Variants in SOX5 observed in about 807,000 individuals in gnomAD.
SOX5 encodes transcription factor SOX-5.
SOX5 carries 9 observed loss-of-function variants against 92.0 expected under a neutral mutation model. That is an observed-to-expected ratio of 0.10 (90% confidence interval 0.06 to 0.17). The LOEUF (loss-of-function observed/expected upper bound fraction) is 0.17, where lower values mean the gene tolerates loss of function less well. Ranked by LOEUF, SOX5 falls within the 10% of genes least tolerant of loss-of-function variation. SOX5 has a pLI of 1.00. For synonymous variants in SOX5, 344 were observed against 336.3 expected (o/e 1.02, Z -0.25); for missense variants, 642 against 944.5 (o/e 0.68, Z 4.20).
chr12:24,286,525 C>T (rs1237922451), intron 2 of SOX5, among the ~76,000 whole-genome samples: 2 of 151,822 alleles, frequency 1.3e-5, no homozygotes, highest in African/African-American at 4.8e-5. Flanking sequence ...GATGAAAGAA[C>T]AAGAGTTTTT....
chr12:23,846,606 T>A (rs2096578035), intron 2 of SOX5, among the ~76,000 whole-genome samples: 1 of 152,218 alleles, frequency 6.6e-6, no homozygotes, highest in East Asian at 1.9e-4. Flanking sequence ...AATGTAGTGA[T>A]CATTTGTGTT....
intron 3 of SOX5, among the ~76,000 whole-genome samples, chr12:24,218,524 T>C (rs372993923): frequency 6.6e-5 from 10 of 152,254 alleles, no homozygotes; most frequent in African/African-American, 2.4e-4. Flanking sequence ...AAGCTTCTTT[T>C]TGTCAGATGG....
chr12:23,935,114 T>C (rs1039196973), intron 1 of SOX5, among the ~76,000 whole-genome samples: 2 of 151,202 alleles, frequency 1.3e-5, no homozygotes, highest in African/African-American at 4.8e-5. Flanking sequence ...GAAAAATCAG[T>C]GGCTGAAAAA....
intron 2 of SOX5, among the ~76,000 whole-genome samples, chr12:23,893,954 C>T (rs1401046247): frequency 6.6e-6 from 1 of 152,142 alleles, no homozygotes; most frequent in Non-Finnish European, 1.5e-5. Flanking sequence ...ATGAAATATG[C>T]CTGTGCTCTT....
At chr12:24,461,887 G>A (rs1943672901) in intron 1 of SOX5, among the ~76,000 whole-genome samples, 1 of 152,028 alleles carries the variant, frequency 6.6e-6, no homozygotes, top group African/African-American at 2.4e-5. Flanking sequence ...CGTATTCCCT[G>A]GTCTTAGAGA....
At chr12:24,465,394 TA>T (rs1161911532) in intron 1 of SOX5, among the ~76,000 whole-genome samples, 3 of 152,260 alleles carry the variant, frequency 2.0e-5, no homozygotes, top group Non-Finnish European at 2.9e-5. Context: ...TAAGTTGTAT[TA>T]TATGCAATTT....
intron 6 of SOX5, among the ~76,000 whole-genome samples, chr12:23,669,577 C>A (rs2084404928): frequency 2.0e-5 from 3 of 150,276 alleles, no homozygotes; most frequent in South Asian, 4.2e-4. Context: ...AGCGTAGAGA[C>A]CAAGTGGGAA....
intron 1 of SOX5, among the ~76,000 whole-genome samples, chr12:24,480,402 C>A (rs993538254): frequency 2.6e-5 from 4 of 152,082 alleles, no homozygotes; most frequent in Non-Finnish European, 5.9e-5. Context: ...CAAAAAAGAA[C>A]AAATGAGATC....
At chr12:24,452,407 G>T (rs1295873281) in intron 1 of SOX5, among the ~76,000 whole-genome samples, 1 of 152,184 alleles carries the variant, frequency 6.6e-6, no homozygotes, top group East Asian at 1.9e-4. Flanking sequence ...TACTGGAGAA[G>T]TTCGGAGCAG....
chr12:23,736,449 G>C (rs145004399), intron 5 of SOX5, among the ~76,000 whole-genome samples: 29 of 151,894 alleles, frequency 1.9e-4, no homozygotes, highest in Admixed American at 1.9e-3. Flanking sequence ...GTGACAGAGC[G>C]AGACTCCGTC....
At chr12:24,168,572 C>A (rs909929852) in intron 4 of SOX5, among the ~76,000 whole-genome samples, 1 of 151,960 alleles carries the variant, frequency 6.6e-6, no homozygotes, top group African/African-American at 2.4e-5. Context: ...TATACTGAAG[C>A]AGGAATGGCT....
intron 4 of SOX5, among the ~76,000 whole-genome samples, chr12:24,033,876 C>G (rs746833471): frequency 6.6e-6 from 1 of 152,034 alleles, no homozygotes; most frequent in Non-Finnish European, 1.5e-5. Flanking sequence ...ATAGCCAAAA[C>G]CACAATATAG....
At chr12:24,226,195 A>T (rs1961918956) in intron 3 of SOX5, among the ~76,000 whole-genome samples, 1 of 152,156 alleles carries the variant, frequency 6.6e-6, no homozygotes, top group Non-Finnish European at 1.5e-5. Context: ...AAAAAAAACT[A>T]TGTAAGATAA....
At chr12:23,873,221 G>A (rs546651494) in intron 2 of SOX5, among the ~76,000 whole-genome samples, 6 of 152,204 alleles carry the variant, frequency 3.9e-5, no homozygotes, top group Admixed American at 6.5e-5. Context: ...GCTGGGCACC[G>A]TGGCTCATGA....
At chr12:23,967,437 A>G (rs1947723457) in intron 4 of SOX5, among the ~76,000 whole-genome samples, 1 of 147,814 alleles carries the variant, frequency 6.8e-6, no homozygotes, top group African/African-American at 2.5e-5. Flanking sequence ...GTGACAGCAT[A>G]TGCAAGTTTC....
intron 2 of SOX5, among the ~76,000 whole-genome samples, chr12:23,879,958 C>A (rs1022840995): frequency 8.5e-5 from 13 of 152,102 alleles, no homozygotes; most frequent in African/African-American, 3.1e-4. Flanking sequence ...GTCTCCAAGG[C>A]AAGCTAGGTG....
intron 2 of SOX5, among the ~76,000 whole-genome samples, chr12:24,284,905 A>T (rs1018181540): frequency 2.0e-5 from 3 of 152,140 alleles, no homozygotes; most frequent in Non-Finnish European, 4.4e-5. Context: ...CGGGTGGATC[A>T]CCTGAGGTCA....
In SOX5 at chr12:24,254,721, AT is replaced by A. The variant is rs1265313009; in HGVS notation, c.-77+22494del. 2.5e-3 allele frequency among the ~76,000 whole-genome samples: 7 copies of A among 2,766 alleles called. No individual in the cohort carries two copies. In the Admixed American group the frequency reaches 0.11, roughly 42 times the overall value. 1.8% of individuals were successfully genotyped at this position (2,766 alleles called of 152,430 possible). ...TCTTTTTTCTTTGGGCTGCTCAAAT[AT>A]ATATATATATATATATTTCCTATGA... On this transcript the variant is annotated intron_variant, in intron 3 of 4. Transcript: ENST00000446891.
intron 2 of SOX5, among the ~76,000 whole-genome samples, chr12:23,876,379 CTCA>C (rs2096927352): frequency 6.6e-6 from 1 of 152,128 alleles, no homozygotes; most frequent in African/African-American, 2.4e-5. Context: ...TGAAAAAAAG[CTCA>C]TCATTATTGG....
Sources: allele counts gnomAD v4.1 joint callset (sites outside exome capture counted in the v4.1 genomes callset), GRCh38; gene constraint gnomAD v4.1.1; transcripts MANE v1.5; gene names NCBI Gene and HGNC (gene_info 2026-07-23, HGNC 2026-07-21).